ADAMTS6: variants seen among roughly 807,000 people sequenced by gnomAD.
ADAMTS6 encodes ADAM metallopeptidase with thrombospondin type 1 motif 6.
Under a neutral mutation model 144.3 loss-of-function variants are expected in ADAMTS6, and 23 were observed. That is an observed-to-expected ratio of 0.16 (90% CI 0.11 to 0.23). ADAMTS6 has a LOEUF of 0.23. Among genes scored for constraint, ADAMTS6 ranks in the 10% least tolerant of loss-of-function variants. ADAMTS6 has a pLI of 1.00. For synonymous variants in ADAMTS6, 444 were observed against 457.5 expected (o/e 0.97, Z 0.38); for missense variants, 999 against 1,379.6 (o/e 0.72, Z 4.37).
rs753909590 is a variant in ADAMTS6, at chr5:65,172,937, T to C, written c.2982A>G (p.Thr994=). ...VLCKSSDLSK[T]FPAAQCPEES... is the part of the protein sequence containing the mutation. ...CCTCTGGACATTGTGCAGCTGGGAATGTCTTAGAAAGGTCACTGCTCTTGC... is the reference window on the plus strand; with the variant it reads ...CCTCTGGACATTGTGCAGCTGGGAACGTCTTAGAAAGGTCACTGCTCTTGC... The change falls in exon 23 of 25, where the codon ACA becomes ACG. Residue 994 remains threonine, a synonymous_variant. Coordinates refer to ENST00000381055, the MANE Select transcript of ADAMTS6 (RefSeq NM_197941.4). 1.2e-6 allele frequency: 2 copies of C among 1,614,252 alleles called. No homozygotes were observed. Among genetic ancestry groups the C allele is most frequent in the Non-Finnish European group, 8.5e-7 (1 of 1,180,044 alleles).
chr5:65,174,110 T>C lies in ADAMTS6; in HGVS notation c.2911-1102A>G, dbSNP rs57711130. On this transcript the variant is annotated intron_variant, in intron 22 of 24. Coordinates refer to ENST00000381055, the MANE Select transcript of ADAMTS6 (RefSeq NM_197941.4). ...GGAAGCACTGTATATATACCTTTCA[T>C]ACGAGAAACATTTCCAGATCTCCTA... is the stretch of plus-strand genomic sequence containing the variant. Among the ~76,000 whole-genome samples the C allele has an allele frequency of 9.5e-3, 1,443 of 152,172 alleles. 19 individuals are homozygous for C. Among genetic ancestry groups the C allele is most frequent in the African/African-American group, 0.033 (1,358 of 41,500 alleles).
intron 14 of ADAMTS6, 148 bp from the exon 15 acceptor site, chr5:65,242,354 G>A (rs750196884): frequency 9.3e-5 from 48 of 513,854 alleles, no homozygotes; most frequent in South Asian, 3.2e-4. Context: ...TTTACAATCC[G>A]TATTCAGATT....
chr5:65,466,586 TTATAAG>T (rs940869358), intron 3 of ADAMTS6, among the ~76,000 whole-genome samples: 4 of 152,192 alleles, frequency 2.6e-5, no homozygotes, highest in Non-Finnish European at 5.9e-5. Context: ...TGGAAGGTAC[TTATAAG>T]TATTAGTGAA....
Position 65,291,408 on chromosome 5 carries a change from A to G in ADAMTS6, c.1433T>C (p.Val478Ala). The G allele has an allele frequency of 6.2e-7, 1 of 1,614,076 alleles. No homozygotes were observed. Among genetic ancestry groups the G allele is most frequent in the Non-Finnish European group, 8.5e-7 (1 of 1,179,960 alleles). ...PPKRDFLYPA[V>A]APGQVYDADE... ...AGCATCATACACCTGACCTGGGGCC[A>G]CAGCTGGATAAAGAAAGTCACGCTT... The change falls in exon 11 of 25, where the codon GTG (valine) becomes GCG (alanine). Residue 478 changes from valine to alanine, a missense_variant. Coordinates refer to ENST00000381055, the MANE Select transcript of ADAMTS6 (RefSeq NM_197941.4).
chr5:65,278,623 T>G (rs1762746025), intron 11 of ADAMTS6, among the ~76,000 whole-genome samples: 1 of 152,206 alleles, frequency 6.6e-6, no homozygotes, highest in South Asian at 2.1e-4. Flanking sequence ...TGATAGTCAA[T>G]GTTTGTTTAG....
intron 24 of ADAMTS6, among the ~76,000 whole-genome samples, chr5:65,167,278 T>A (rs995443044): frequency 2.0e-5 from 3 of 151,632 alleles, no homozygotes; most frequent in Admixed American, 2.0e-4. Flanking sequence ...AACTAGAAAA[T>A]CTAGAAGAAA....
intron 7 of ADAMTS6, among the ~76,000 whole-genome samples, chr5:65,356,783 T>C (rs1027172471): frequency 2.6e-5 from 4 of 151,896 alleles, no homozygotes; most frequent in Non-Finnish European, 4.4e-5. Context: ...TCCAACTAAA[T>C]ATTGATGCAG....
At chr5:65,170,996 G>A (rs990618353) in intron 23 of ADAMTS6, among the ~76,000 whole-genome samples, 2 of 150,398 alleles carry the variant, frequency 1.3e-5, no homozygotes, top group Non-Finnish European at 1.5e-5. Flanking sequence ...GAGCCACCAC[G>A]CCCAGCCACA....
chr5:65,438,504 G>A (rs768575304), intron 7 of ADAMTS6, among the ~76,000 whole-genome samples: 7 of 152,122 alleles, frequency 4.6e-5, no homozygotes, highest in Non-Finnish European at 8.8e-5. Flanking sequence ...TCCAGCCTGG[G>A]TAACAGAGTG....
chr5:65,150,445 C>A lies in ADAMTS6; in HGVS notation c.*1391G>T, dbSNP rs1282656609. The A allele has an allele frequency of 1.3e-5, 2 of 152,606 alleles. No homozygotes were observed. The highest frequency in any genetic ancestry group is 6.6e-5 in the Admixed American group (1 of 15,266). 9.5% of individuals were successfully genotyped at this position (152,606 alleles called of 1,614,324 possible). On this transcript the variant is annotated 3_prime_UTR_variant, in exon 25 of 25. Coordinates refer to ENST00000381055, the MANE Select transcript of ADAMTS6 (RefSeq NM_197941.4). ...GAAGATGGGGAAAATACGAGCTAGT[C>A]ATTTTAATTTAGGTGGATGTGATTC...
intron 7 of ADAMTS6, among the ~76,000 whole-genome samples, chr5:65,437,838 T>C (rs979751845): frequency 6.6e-6 from 1 of 152,212 alleles, no homozygotes; most frequent in African/African-American, 2.4e-5. Flanking sequence ...GGTTTTTCCA[T>C]GGAATATTTT....
At chr5:65,433,232 C>A (rs1757127505) in intron 7 of ADAMTS6, among the ~76,000 whole-genome samples, 1 of 152,084 alleles carries the variant, frequency 6.6e-6, no homozygotes, top group Non-Finnish European at 1.5e-5. Flanking sequence ...CTTCTCAAAA[C>A]CTAGTATGTG....
At chr5:65,398,808 G>A (rs1330733654) in intron 7 of ADAMTS6, among the ~76,000 whole-genome samples, 3 of 88,302 alleles carry the variant, frequency 3.4e-5, no homozygotes, top group Non-Finnish European at 7.4e-5. Context: ...AAGAAAGAAA[G>A]AAAGAAAGAA....
At chr5:65,234,524 C>T (rs1344436440) in intron 15 of ADAMTS6, among the ~76,000 whole-genome samples, 1 of 151,164 alleles carries the variant, frequency 6.6e-6, no homozygotes, top group East Asian at 1.9e-4. Context: ...CACTAATCAT[C>T]AGGGAAATGC....
At chr5:65,478,113 C>T (rs1358251800) in intron 1 of ADAMTS6, among the ~76,000 whole-genome samples, 4 of 150,964 alleles carry the variant, frequency 2.6e-5, no homozygotes, top group Admixed American at 6.6e-5. Flanking sequence ...GGTGACAGAG[C>T]GAGGCTCCGT....
chr5:65,380,444 C>T (rs762026006), intron 7 of ADAMTS6, among the ~76,000 whole-genome samples: 6 of 151,986 alleles, frequency 3.9e-5, no homozygotes, highest in Admixed American at 2.6e-4. Context: ...GGTGTGGTGG[C>T]GAGCACCCAT....
chr5:65,339,455 C>CAAAAAAAAAAAAAAAAAAAAAAAAA (rs538468970), intron 7 of ADAMTS6, among the ~76,000 whole-genome samples: 1 of 108,670 alleles, frequency 9.2e-6, no homozygotes. Flanking sequence ...ATAAAAAAAG[C>CAAAAAAAAAAAAAAAAAAAAAAAAA]AAAAAAAAAA....
chr5:65,296,672 A>G (rs189914480), intron 10 of ADAMTS6, among the ~76,000 whole-genome samples: 46 of 152,234 alleles, frequency 3.0e-4, no homozygotes, highest in African/African-American at 1.1e-3. Context: ...TGCTCATCTT[A>G]TATCAGTTCT....
At chr5:65,196,645 TG>T (rs770965370) in intron 21 of ADAMTS6, among the ~76,000 whole-genome samples, 1 of 151,704 alleles carries the variant, frequency 6.6e-6, no homozygotes, top group Non-Finnish European at 1.5e-5. Flanking sequence ...TTTTTTTATG[TG>T]CCATTAAGAG....
Sources: allele counts gnomAD v4.1 joint callset (sites outside exome capture counted in the v4.1 genomes callset), GRCh38; gene constraint gnomAD v4.1.1; transcripts MANE v1.5; gene names NCBI Gene and HGNC (gene_info 2026-07-23, HGNC 2026-07-21).